Variants in PRKD1 observed in about 807,000 individuals in gnomAD.
PRKD1 encodes serine/threonine-protein kinase D1.
PRKD1 carries 63 observed loss-of-function variants against 95.9 expected under a neutral mutation model. That is an observed-to-expected ratio of 0.66 (90% confidence interval 0.54 to 0.81). The LOEUF is 0.81. PRKD1 is among the 30% of genes least tolerant of loss of function. PRKD1 has a pLI of 0.00. For synonymous variants in PRKD1, 425 were observed against 423.1 expected, an observed-to-expected ratio of 1.00 and a Z score of -0.05; for missense variants, 1,048 against 1,165.3, an observed-to-expected ratio of 0.90 and a Z score of 1.47.
At chr14:29,662,980 T>C (rs1274584547) in intron 4 of PRKD1, among the ~76,000 whole-genome samples, 2 of 149,760 alleles carry the variant, frequency 1.3e-5, no homozygotes, top group South Asian at 2.1e-4. Context: ...TTGTTTCGAA[T>C]GTTTGGAAAA....
intron 9 of PRKD1, among the ~76,000 whole-genome samples, chr14:29,632,123 A>T (rs1266088378): frequency 1.3e-5 from 2 of 152,146 alleles, no homozygotes; most frequent in African/African-American, 4.8e-5. Context: ...TTTTAAGGCA[A>T]TTCATACTAA....
intron 1 of PRKD1, among the ~76,000 whole-genome samples, chr14:29,885,124 T>TTTAAAAAAAA (rs1232960518): frequency 2.3e-5 from 3 of 131,070 alleles, no homozygotes; most frequent in African/African-American, 8.5e-5. Context: ...CTCCATCTTT[T>TTTAAAAAAAA]AAAAAAAAAA....
At chr14:29,777,707 AC>A (rs1888836368) in intron 1 of PRKD1, among the ~76,000 whole-genome samples, 1 of 152,106 alleles carries the variant, frequency 6.6e-6, no homozygotes, top group Non-Finnish European at 1.5e-5. Context: ...AGACTTTACC[AC>A]CCCACTGTCA....
chr14:29,696,932 G>A (rs993615696), intron 2 of PRKD1, among the ~76,000 whole-genome samples: 2 of 152,116 alleles, frequency 1.3e-5, no homozygotes, highest in Admixed American at 6.6e-5. Flanking sequence ...CATCAGAAGA[G>A]AGGCCACCTA....
intron 1 of PRKD1, among the ~76,000 whole-genome samples, chr14:29,826,241 CAT>C (rs72481875): frequency 0.12 from 5,529 of 47,154 alleles, 869 homozygotes; most frequent in South Asian, 0.2. Context: ...TATATATATA[CAT>C]ATATATGATG....
At chr14:29,744,962 G>A (rs1340336558) in intron 1 of PRKD1, among the ~76,000 whole-genome samples, 1 of 152,008 alleles carries the variant, frequency 6.6e-6, no homozygotes, top group Non-Finnish European at 1.5e-5. Context: ...CTATTACATC[G>A]CCACCTCATC....
intron 1 of PRKD1, among the ~76,000 whole-genome samples, chr14:29,844,251 G>A (rs953121539): frequency 8.5e-5 from 13 of 152,222 alleles, no homozygotes; most frequent in Non-Finnish European, 4.4e-5. Flanking sequence ...GCAAAGCTAG[G>A]ACAACTTTCT....
chr14:29,772,353 AG>A (rs1307453344), intron 1 of PRKD1, among the ~76,000 whole-genome samples: 2 of 152,158 alleles, frequency 1.3e-5, no homozygotes, highest in Non-Finnish European at 2.9e-5. Context: ...CCACCAAGTG[AG>A]GATGCAGCTA....
intron 2 of PRKD1, among the ~76,000 whole-genome samples, chr14:29,682,480 A>T (rs553354659): frequency 6.6e-6 from 1 of 152,294 alleles, no homozygotes; most frequent in South Asian, 2.1e-4. Flanking sequence ...TATATCCTTC[A>T]TGTAATTGTA....
At chr14:29,590,693 A>G (rs577357298) in intron 16 of PRKD1, among the ~76,000 whole-genome samples, 37 of 152,346 alleles carry the variant, frequency 2.4e-4, no homozygotes, top group African/African-American at 8.7e-4. Context: ...GTTATAACCC[A>G]TATTTCCTAT....
chr14:29,852,656 C>T (rs1023227923), intron 1 of PRKD1, among the ~76,000 whole-genome samples: 1 of 151,876 alleles, frequency 6.6e-6, no homozygotes, highest in Non-Finnish European at 1.5e-5. Flanking sequence ...GGATTGGGAA[C>T]AAAGCTGTAA....
At chr14:29,871,851 G>A (rs1366136518) in intron 1 of PRKD1, among the ~76,000 whole-genome samples, 1 of 152,114 alleles carries the variant, frequency 6.6e-6, no homozygotes, top group African/African-American at 2.4e-5. Context: ...AAAATGTTTG[G>A]AAATCAAGTC....
At chr14:29,826,854 T>TACAC (rs1566623271) in intron 1 of PRKD1, among the ~76,000 whole-genome samples, 7 of 94,052 alleles carry the variant, frequency 7.4e-5, no homozygotes, top group African/African-American at 2.5e-4. Context: ...CATATATATA[T>TACAC]ATATATATAT....
At chr14:29,906,884 T>G (rs919900673) in intron 1 of PRKD1, among the ~76,000 whole-genome samples, 2 of 152,220 alleles carry the variant, frequency 1.3e-5, no homozygotes, top group Admixed American at 1.3e-4. Flanking sequence ...TCCAAAGACT[T>G]TATTGTTTCC....
chr14:29,664,316 C>T lies in PRKD1; in HGVS notation c.536-457G>A, dbSNP rs138499315. Among the ~76,000 whole-genome samples the T allele has an allele frequency of 1.2e-3, 190 of 152,214 alleles. 3 individuals are homozygous for T. The South Asian group carries it at 0.023, about 19-fold the overall frequency. ...GAACAAAGTTTCACCTCAGTTTTCT[C>T]GTCTCTAAAATGGAGGTAATAACTA... On this transcript the variant is annotated intron_variant, in intron 3 of 17. Coordinates refer to ENST00000331968, the MANE Select transcript of PRKD1 (RefSeq NM_002742.3).
At position 29,810,608 on chromosome 14, in the gene PRKD1, A is replaced by G. The variant is rs142416553; in HGVS notation, c.265-84934T>C. ...TTAGGCCTATTTAGGATTTATTTCAATAGATATGTATACACATGTAAAGCA... is the reference window on the plus strand; with the variant it reads ...TTAGGCCTATTTAGGATTTATTTCAGTAGATATGTATACACATGTAAAGCA... On this transcript the variant is annotated intron_variant, in intron 1 of 17. Transcript: ENST00000331968. Among the ~76,000 whole-genome samples, 621 of 152,328 alleles carry G rather than the reference A, an allele frequency of 4.1e-3. 6 individuals carry two copies. Among genetic ancestry groups the G allele is most frequent in the African/African-American group, 0.014 (576 of 41,562 alleles).
At chr14:29,903,392 A>G (rs1260387942) in intron 1 of PRKD1, among the ~76,000 whole-genome samples, 5 of 152,196 alleles carry the variant, frequency 3.3e-5, no homozygotes, top group African/African-American at 1.2e-4. Flanking sequence ...GACAGAATGT[A>G]TGTTCTTCAA....
chr14:29,734,103 C>T (rs982985724), intron 1 of PRKD1, among the ~76,000 whole-genome samples: 3 of 125,402 alleles, frequency 2.4e-5, no homozygotes, highest in East Asian at 5.0e-4. Flanking sequence ...AGTGCAATGG[C>T]GCGATCTTGG....
chr14:29,636,225 A>G (rs1880359478), intron 7 of PRKD1, 65 bp downstream of exon 7: 1 of 1,542,266 alleles, frequency 6.5e-7, no homozygotes, highest in Non-Finnish European at 9.0e-7. Flanking sequence ...AATATCAAAG[A>G]GGTTTAAAGA....
Sources: allele counts gnomAD v4.1 joint callset (sites outside exome capture counted in the v4.1 genomes callset), GRCh38; gene constraint gnomAD v4.1.1; transcripts MANE v1.5; gene names NCBI Gene and HGNC (gene_info 2026-07-23, HGNC 2026-07-21).